Variants in DLG2 observed in about 807,000 individuals in gnomAD.
DLG2 encodes disks large homolog 2.
DLG2 carries 45 observed loss-of-function variants against 132.5 expected under a neutral mutation model. That is an observed-to-expected ratio of 0.34 (90% CI 0.27 to 0.44). DLG2 has a LOEUF of 0.44. Ranked by LOEUF, DLG2 falls within the 20% of genes least tolerant of loss-of-function variation. The pLI is 1.00. For missense variants in DLG2, 1,045 were observed against 1,196.9 expected (o/e 0.87, Z 1.87); for synonymous variants, 424 against 419.6 (o/e 1.01, Z -0.13).
intron 4 of DLG2, among the ~76,000 whole-genome samples, chr11:85,207,722 T>C (rs1294974244): frequency 6.6e-6 from 1 of 152,132 alleles, no homozygotes; most frequent in Non-Finnish European, 1.5e-5. Flanking sequence ...GGCACTTAGA[T>C]GAAGGAGATA....
At chr11:84,353,571 T>C (rs560926663) in intron 7 of DLG2, among the ~76,000 whole-genome samples, 2 of 152,316 alleles carry the variant, frequency 1.3e-5, no homozygotes, top group South Asian at 4.1e-4. Context: ...TTTTTAACTA[T>C]TGTCTCCTTT....
At chr11:85,427,581 G>C (rs2090857590) in intron 3 of DLG2, among the ~76,000 whole-genome samples, 1 of 152,212 alleles carries the variant, frequency 6.6e-6, no homozygotes. Flanking sequence ...AATGCTGAGA[G>C]ATTTTGTCAC....
At chr11:85,068,279 T>C (rs1264582490) in intron 6 of DLG2, among the ~76,000 whole-genome samples, 8 of 152,018 alleles carry the variant, frequency 5.3e-5, no homozygotes, top group African/African-American at 1.4e-4. Flanking sequence ...CTATTCAACA[T>C]TGTGTTGGAA....
In DLG2 at chr11:84,156,893, A is replaced by T. The variant is rs189017824; in HGVS notation, c.624+6568T>A. Among the ~76,000 whole-genome samples, 15 of 152,278 alleles carry T rather than the reference A, an allele frequency of 9.9e-5. 1 individual carries two copies. The highest frequency in any genetic ancestry group is 3.6e-4 in the African/African-American group (15 of 41,564). On this transcript the variant is annotated intron_variant, in intron 9 of 27. Coordinates refer to ENST00000376104, the MANE Select transcript of DLG2 (RefSeq NM_001142699.3). ...TCTCCAGATATCAAAATAACTAGAA[A>T]ATCATTAGATATCTGATTTATTTAG... is the stretch of plus-strand genomic sequence containing the variant.
chr11:84,400,654 G>A (rs1347397057), intron 7 of DLG2, among the ~76,000 whole-genome samples: 1 of 152,052 alleles, frequency 6.6e-6, no homozygotes, highest in Admixed American at 6.5e-5. Flanking sequence ...TGGAAACTAA[G>A]TTTCCTTTTC....
intron 21 of DLG2, among the ~76,000 whole-genome samples, chr11:83,487,480 C>T (rs1373645483): frequency 6.6e-6 from 1 of 151,962 alleles, no homozygotes; most frequent in African/African-American, 2.4e-5. Flanking sequence ...ATTACTTGCC[C>T]CAGAGTCACA....
chr11:84,520,583 G>A (rs932364195), intron 7 of DLG2, among the ~76,000 whole-genome samples: 21 of 152,030 alleles, frequency 1.4e-4, no homozygotes, highest in Admixed American at 1.0e-3. Context: ...TCCCCTCTGC[G>A]CCCCCACCCA....
chr11:85,146,869 A>G (rs558570355), intron 5 of DLG2, among the ~76,000 whole-genome samples: 3 of 152,328 alleles, frequency 2.0e-5, no homozygotes, highest in African/African-American at 4.8e-5. Flanking sequence ...TAGTCAGCCA[A>G]TGGTGGAGCT....
At chr11:85,616,177 C>T (rs371030154) in intron 2 of DLG2, among the ~76,000 whole-genome samples, 23 of 152,246 alleles carry the variant, frequency 1.5e-4, no homozygotes, top group Middle Eastern at 3.4e-3. Flanking sequence ...CAAAGACTAC[C>T]ACACTCATAC....
chr11:85,614,277 A>G (rs2081195882), intron 2 of DLG2, among the ~76,000 whole-genome samples: 1 of 152,208 alleles, frequency 6.6e-6, no homozygotes, highest in Non-Finnish European at 1.5e-5. Flanking sequence ...AGAAAGTAAT[A>G]AAGTAATGAA....
intron 11 of DLG2, among the ~76,000 whole-genome samples, chr11:84,050,784 C>T (rs901126121): frequency 9.9e-5 from 15 of 151,896 alleles, no homozygotes; most frequent in African/African-American, 2.9e-4. Context: ...AATAGTTTCC[C>T]CATTTCTTGT....
intron 7 of DLG2, among the ~76,000 whole-genome samples, chr11:84,389,007 A>T (rs1443653046): frequency 6.6e-6 from 1 of 152,098 alleles, no homozygotes; most frequent in Admixed American, 6.6e-5. Context: ...GCTTTCATAT[A>T]GACTGGGTTG....
intron 7 of DLG2, among the ~76,000 whole-genome samples, chr11:84,342,865 A>G (rs1319974351): frequency 6.6e-6 from 1 of 152,164 alleles, no homozygotes; most frequent in Non-Finnish European, 1.5e-5. Context: ...AAAGCCACAC[A>G]AAAAGCTCAA....
chr11:84,599,994 G>A (rs1009824138), intron 6 of DLG2, among the ~76,000 whole-genome samples: 3 of 150,074 alleles, frequency 2.0e-5, no homozygotes, highest in African/African-American at 4.9e-5. Context: ...GATGGCTGAG[G>A]TAGGAAGATC....
intron 8 of DLG2, among the ~76,000 whole-genome samples, chr11:84,184,665 T>G (rs1323501691): frequency 6.6e-6 from 1 of 152,172 alleles, no homozygotes; most frequent in East Asian, 1.9e-4. Flanking sequence ...TCCTGAATGG[T>G]ATTGCCTAGG....
chr11:84,995,262 A>C (rs1413808035), intron 6 of DLG2, among the ~76,000 whole-genome samples: 1 of 152,132 alleles, frequency 6.6e-6, no homozygotes, highest in East Asian at 1.9e-4. Flanking sequence ...ATTTGTTGAT[A>C]TTTTTATTAG....
At chr11:83,733,670 C>T (rs971921934) in intron 18 of DLG2, among the ~76,000 whole-genome samples, 1 of 152,206 alleles carries the variant, frequency 6.6e-6, no homozygotes, top group Non-Finnish European at 1.5e-5. Flanking sequence ...CATCACTTGT[C>T]TCTAGCCCAG....
chr11:83,766,055 T>C (rs1252472527), intron 18 of DLG2, among the ~76,000 whole-genome samples: 2 of 151,984 alleles, frequency 1.3e-5, no homozygotes, highest in Non-Finnish European at 2.9e-5. Context: ...TTAGAAGCAA[T>C]ATGAATATTA....
At chr11:84,159,019 GTA>G (rs1402932114) in intron 9 of DLG2, among the ~76,000 whole-genome samples, 1 of 152,190 alleles carries the variant, frequency 6.6e-6, no homozygotes, top group Non-Finnish European at 1.5e-5. Context: ...GAGAGGTTAA[GTA>G]TGTAGTTCAA....
Sources: gnomAD v4.1 joint callset for allele counts (sites outside exome capture counted in the v4.1 genomes callset) on GRCh38, gnomAD v4.1.1 for gene constraint, MANE v1.5 for transcripts, NCBI Gene and HGNC (gene_info 2026-07-23, HGNC 2026-07-21) for gene names.